The following DOCK1 variants were observed in gnomAD, a reference collection of about 807,000 sequenced individuals.
DOCK1 encodes dedicator of cytokinesis protein 1.
A neutral mutation model predicts 262.7 loss-of-function variants in DOCK1; 138 were observed. That is an observed-to-expected ratio of 0.53 (90% CI 0.46 to 0.61). The LOEUF is 0.61. Ranked by LOEUF, DOCK1 falls within the 20% of genes least tolerant of loss-of-function variation. The pLI is 0.00. For missense variants in DOCK1, 1,908 were observed against 2,370.7 expected (o/e 0.80, Z 4.05); for synonymous variants, 866 against 867.4 (o/e 1.00, Z 0.03).
chr10:127,121,089 T>C (rs552288110), intron 25 of DOCK1, among the ~76,000 whole-genome samples: 1 of 152,330 alleles, frequency 6.6e-6, no homozygotes, highest in African/African-American at 2.4e-5. Flanking sequence ...TATTTCTTTA[T>C]ACGTGTGGGT....
intron 25 of DOCK1, among the ~76,000 whole-genome samples, chr10:127,115,733 T>A (rs899411454): frequency 1.3e-5 from 2 of 152,220 alleles, no homozygotes; most frequent in Non-Finnish European, 2.9e-5. Flanking sequence ...TTTAAGTTAG[T>A]AAAGAGCATT....
At chr10:127,009,560 GAGAC>G (rs1471124729) in intron 11 of DOCK1, among the ~76,000 whole-genome samples, 2 of 152,140 alleles carry the variant, frequency 1.3e-5, no homozygotes, top group African/African-American at 4.8e-5. Context: ...TTAATTGTAA[GAGAC>G]AGCTTCCTCC....
chr10:127,208,915 T>G (rs1361345094), intron 27 of DOCK1, among the ~76,000 whole-genome samples: 3 of 152,252 alleles, frequency 2.0e-5, no homozygotes, highest in Non-Finnish European at 4.4e-5. Context: ...GCTTCCTTAT[T>G]AATTAAATTT....
chr10:127,190,855 G>C (rs534849209), intron 27 of DOCK1, among the ~76,000 whole-genome samples: 2 of 151,912 alleles, frequency 1.3e-5, no homozygotes, highest in East Asian at 3.9e-4. Context: ...TACTGAGACT[G>C]GCACATTCTC....
intron 27 of DOCK1, among the ~76,000 whole-genome samples, chr10:127,212,949 C>T (rs548737504): frequency 5.3e-4 from 80 of 152,192 alleles, no homozygotes; most frequent in Middle Eastern, 3.4e-3. Context: ...AACAGTAATA[C>T]CTGCTTTTTG....
chr10:127,191,163 C>G (rs1185432567), intron 27 of DOCK1, among the ~76,000 whole-genome samples: 2 of 152,130 alleles, frequency 1.3e-5, no homozygotes, highest in African/African-American at 2.4e-5. Context: ...AGTGCAATCT[C>G]AAGCATCACC....
chr10:127,121,075 G>T (rs1465765294), intron 25 of DOCK1, among the ~76,000 whole-genome samples: 3 of 152,114 alleles, frequency 2.0e-5, no homozygotes, highest in Admixed American at 6.5e-5. Flanking sequence ...AGGGGGGATT[G>T]CATTATTTCT....
chr10:127,209,311 G>A (rs1281689345), intron 27 of DOCK1, among the ~76,000 whole-genome samples: 4 of 152,174 alleles, frequency 2.6e-5, no homozygotes, highest in African/African-American at 9.7e-5. Context: ...CTATTTTAGG[G>A]CCTAAGTTGG....
chr10:126,948,772 T>G (rs1265422127), intron 1 of DOCK1, among the ~76,000 whole-genome samples: 2 of 152,002 alleles, frequency 1.3e-5, no homozygotes, highest in Non-Finnish European at 2.9e-5. Context: ...CCTGGAATCA[T>G]TGTGAGCTGC....
intron 29 of DOCK1, among the ~76,000 whole-genome samples, chr10:127,297,152 A>G (rs1176205673): frequency 1.3e-5 from 2 of 152,196 alleles, no homozygotes; most frequent in Non-Finnish European, 2.9e-5. Context: ...GAAGACAAGC[A>G]CAGGCCAAGA....
At chr10:127,146,004 C>G (rs1234280375) in intron 27 of DOCK1, 2 of 517,678 alleles carry the variant, frequency 3.9e-6, no homozygotes, top group Non-Finnish European at 3.9e-6. Context: ...CCTGAATTCC[C>G]TAGTCACTCT....
intron 1 of DOCK1, among the ~76,000 whole-genome samples, chr10:126,954,791 C>T (rs2036597636): frequency 2.0e-5 from 3 of 152,148 alleles, no homozygotes; most frequent in Admixed American, 2.0e-4. Context: ...GGTAGTATTT[C>T]ATTATATGTA....
intron 27 of DOCK1, among the ~76,000 whole-genome samples, chr10:127,170,588 G>A (rs1372671080): frequency 6.6e-6 from 1 of 152,140 alleles, no homozygotes; most frequent in Non-Finnish European, 1.5e-5. Context: ...CGCTGTCGGG[G>A]TTGCCACACT....
At chr10:127,284,743 C>A (rs1251570530) in intron 29 of DOCK1, among the ~76,000 whole-genome samples, 4 of 150,914 alleles carry the variant, frequency 2.7e-5, no homozygotes, top group Non-Finnish European at 4.4e-5. Flanking sequence ...AAAAGTCAGA[C>A]CCTGTCTCTA....
In DOCK1 at chr10:127,399,523, C is replaced by T. The variant is rs116408808; in HGVS notation, c.3928-3532C>T. Among the ~76,000 whole-genome samples, 672 of 150,520 alleles carry T rather than the reference C, an allele frequency of 4.5e-3. 5 individuals are homozygous for T. The highest frequency in any genetic ancestry group is 0.015 in the African/African-American group (618 of 40,820). ...TGAGAGATATATATTTATAGGAAAT[C>T]TGATAGAAGATACCACCATGCAACC... On this transcript the variant is annotated intron_variant, in intron 38 of 51. Coordinates refer to ENST00000623213, the MANE Select transcript of DOCK1 (RefSeq NM_001290223.2).
At chr10:127,229,398 G>A (rs768745244) in intron 27 of DOCK1, among the ~76,000 whole-genome samples, 13 of 152,192 alleles carry the variant, frequency 8.5e-5, no homozygotes, top group East Asian at 3.9e-4. Flanking sequence ...CGGTCCCCCC[G>A]CTCTCCAGTC....
Position 126,955,742 on chromosome 10 carries a change from C to G in DOCK1, c.47-14960C>G, listed in dbSNP as rs1336190358. On this transcript the variant is annotated intron_variant, in intron 1 of 51. Coordinates refer to ENST00000623213, the MANE Select transcript of DOCK1 (RefSeq NM_001290223.2). Reference sequence around the variant, plus strand: ...CCTTACCTAGAATCTGTATTCCTGCCGAGTGGTCACGTTGCACAGGGGCTG... The same window carrying G: ...CCTTACCTAGAATCTGTATTCCTGCGGAGTGGTCACGTTGCACAGGGGCTG... Among the ~76,000 whole-genome samples the G allele has an allele frequency of 2.6e-5, 4 of 152,216 alleles. No homozygotes were observed. The South Asian group carries it at 6.2e-4, about 24-fold the overall frequency.
intron 1 of DOCK1, among the ~76,000 whole-genome samples, chr10:126,906,243 C>G (rs1333022867): frequency 3.3e-5 from 5 of 152,160 alleles, no homozygotes; most frequent in African/African-American, 1.2e-4. Context: ...TTGTCGCTTC[C>G]GAGGGGGGAT....
At chr10:127,024,474 A>G (rs1390309203) in intron 14 of DOCK1, among the ~76,000 whole-genome samples, 1 of 152,132 alleles carries the variant, frequency 6.6e-6, no homozygotes, top group African/African-American at 2.4e-5. Context: ...TGTCATAACC[A>G]TCAAGATCTT....
Sources: allele counts gnomAD v4.1 joint callset (sites outside exome capture counted in the v4.1 genomes callset), GRCh38; gene constraint gnomAD v4.1.1; transcripts MANE v1.5; gene names NCBI Gene and HGNC (gene_info 2026-07-23, HGNC 2026-07-21).